KIF24: variants seen among roughly 807,000 people sequenced by gnomAD.
KIF24 encodes the protein kinesin-like protein KIF24.
A neutral mutation model predicts 118.9 loss-of-function variants in KIF24; 81 were observed. The observed-to-expected ratio is 0.68, with a 90% confidence interval of 0.57 to 0.82. The LOEUF is 0.82. Among genes scored for constraint, KIF24 ranks in the 40% least tolerant of loss-of-function variants. The pLI is 0.00. For synonymous variants in KIF24, 599 were observed against 610.0 expected, an observed-to-expected ratio of 0.98 and a Z score of 0.27; for missense variants, 1,560 against 1,661.6, an observed-to-expected ratio of 0.94 and a Z score of 1.06.
At chr9:34,299,301 C>G (rs1836603261) in intron 3 of KIF24, among the ~76,000 whole-genome samples, 2 of 151,960 alleles carry the variant, frequency 1.3e-5, no homozygotes, top group Admixed American at 1.3e-4. Context: ...CTGCTTCAGT[C>G]TCCTGAGTAG....
intron 1 of KIF24, among the ~76,000 whole-genome samples, chr9:34,315,064 CTACTGTA>C (rs1837290099): frequency 6.6e-6 from 1 of 152,084 alleles, no homozygotes; most frequent in African/African-American, 2.4e-5. Flanking sequence ...GGGAAGGAAA[CTACTGTA>C]TACTTTTAAA....
intron 9 of KIF24, among the ~76,000 whole-genome samples, chr9:34,262,399 G>C (rs1835089084): frequency 6.6e-6 from 1 of 151,746 alleles, no homozygotes; most frequent in South Asian, 2.1e-4. Context: ...GGGAAGAAAA[G>C]TTGTTTTGGA....
intron 6 of KIF24, among the ~76,000 whole-genome samples, chr9:34,285,522 C>A (rs1045970234): frequency 6.6e-6 from 1 of 152,002 alleles, no homozygotes; most frequent in Non-Finnish European, 1.5e-5. Flanking sequence ...CGCCTGTAAT[C>A]CCAGCACTTT....
At chr9:34,309,369 A>G (rs1180632321) in intron 2 of KIF24, among the ~76,000 whole-genome samples, 6 of 151,784 alleles carry the variant, frequency 4.0e-5, no homozygotes, top group African/African-American at 1.5e-4. Flanking sequence ...GTGAAACCCC[A>G]CCTCTACTAA....
chr9:34,271,733 G>T, intron 7 of KIF24, 76 bp downstream of exon 7: 1 of 1,509,424 alleles, frequency 6.6e-7, no homozygotes, highest in East Asian at 2.3e-5. Context: ...AGGGTATCCT[G>T]TTGTTGAGAA....
intron 1 of KIF24, among the ~76,000 whole-genome samples, chr9:34,314,945 T>A (rs1378411610): frequency 1.3e-5 from 2 of 152,236 alleles, no homozygotes; most frequent in African/African-American, 2.4e-5. Context: ...ATAAATGATC[T>A]ATAATAAATC....
intron 8 of KIF24, among the ~76,000 whole-genome samples, chr9:34,268,505 C>CTT (rs1563939819): frequency 2.6e-5 from 2 of 76,710 alleles, no homozygotes; most frequent in Non-Finnish European, 2.9e-5. Context: ...CTAGGATTTT[C>CTT]TTTCTTTTTT....
At chr9:34,271,671 C>T in intron 7 of KIF24, 138 bp downstream of exon 7, 1 of 839,494 alleles carries the variant, frequency 1.2e-6, no homozygotes, top group Non-Finnish European at 1.8e-6. Flanking sequence ...TGATTTATTT[C>T]AGGGCTAACA....
chr9:34,316,955 T>C (rs1255731045), intron 1 of KIF24, among the ~76,000 whole-genome samples: 1 of 150,346 alleles, frequency 6.7e-6, no homozygotes, highest in African/African-American at 2.5e-5. Context: ...TGGCTCACGC[T>C]TGTAATCCCA....
chr9:34,275,366 C>A (rs572429504), intron 6 of KIF24, among the ~76,000 whole-genome samples: 6 of 152,028 alleles, frequency 3.9e-5, no homozygotes, highest in Non-Finnish European at 5.9e-5. Flanking sequence ...TGCACTCCAG[C>A]CTAGGAAACA....
chr9:34,255,018 T>G, intron 12 of KIF24, 54 bp downstream of exon 12: 1 of 1,216,490 alleles, frequency 8.2e-7, no homozygotes, highest in Non-Finnish European at 1.2e-6. Context: ...GACCATCAAA[T>G]TAGCTGCAGG....
At chr9:34,307,852 C>T (rs1379133270) in intron 2 of KIF24, among the ~76,000 whole-genome samples, 4 of 115,418 alleles carry the variant, frequency 3.5e-5, no homozygotes, top group Non-Finnish European at 6.9e-5. Context: ...CAGAGCAAGA[C>T]TCTGTCTGAA....
At chr9:34,328,020 T>C (rs1837733600) in intron 1 of KIF24, among the ~76,000 whole-genome samples, 1 of 152,148 alleles carries the variant, frequency 6.6e-6, no homozygotes, top group South Asian at 2.1e-4. Context: ...GCTGCTGTAC[T>C]GAACTTTTTC....
chr9:34,263,614 A>G (rs1835175856), intron 8 of KIF24, among the ~76,000 whole-genome samples: 1 of 152,216 alleles, frequency 6.6e-6, no homozygotes, highest in Admixed American at 6.5e-5. Context: ...CCGTTGGCGT[A>G]GAGTCAAGCA....
chr9:34,263,121 TGAAG>T lies in KIF24; in HGVS notation c.1491_1494del (p.Phe498GlyfsTer5), dbSNP rs780677877. On this transcript the variant is annotated frameshift_variant, in exon 9 of 13. Transcript: ENST00000402558. LOFTEE classifies it high-confidence loss of function. ...TTTACCTGAGTTAGTTTGCTTTGCC[TGAAG>T]GGAGTATGGGTGTGTTCCTGATCCA... 2 of 1,613,406 alleles carry T rather than the reference TGAAG, an allele frequency of 1.2e-6. No individual in the cohort carries two copies. Among genetic ancestry groups the T allele is most frequent in the South Asian group, 2.2e-5 (2 of 90,904 alleles).
upstream of KIF24, among the ~76,000 whole-genome samples, chr9:34,332,947 T>C (rs1303880841): frequency 6.6e-6 from 1 of 152,004 alleles, no homozygotes; most frequent in African/African-American, 2.4e-5. Context: ...AACTGGCAAA[T>C]TGGAAAAAAG....
intron 1 of KIF24, among the ~76,000 whole-genome samples, chr9:34,328,451 G>A (rs1192723240): frequency 6.6e-6 from 1 of 152,198 alleles, no homozygotes; most frequent in Non-Finnish European, 1.5e-5. Flanking sequence ...AAGAGTTGCA[G>A]CAACCAATCC....
Position 34,256,991 on chromosome 9 carries a change from T to C in KIF24, c.2616A>G (p.Arg872=). ...GQGPEKQVAE[R]QQSLFSSPRT... ...TGGGGCTAGAAAACAGACTCTGCTG[T>C]CTTTCTGCCACCTGCTTCTCAGGAC... The change falls in exon 11 of 13, where the codon AGA becomes AGG. Residue 872 remains arginine (R), a synonymous_variant. Coordinates refer to ENST00000402558, the MANE Select transcript of KIF24 (RefSeq NM_194313.4). 1 of 1,614,028 alleles carries C rather than the reference T, an allele frequency of 6.2e-7. No individual in the cohort carries two copies. Among genetic ancestry groups the C allele is most frequent in the Non-Finnish European group, 8.5e-7 (1 of 1,179,896 alleles).
chr9:34,322,674 T>C (rs552292031), intron 1 of KIF24, among the ~76,000 whole-genome samples: 2 of 152,164 alleles, frequency 1.3e-5, no homozygotes, highest in Non-Finnish European at 2.9e-5. Flanking sequence ...GACGACATGG[T>C]GAAACTCCAT....
Sources: allele counts gnomAD v4.1 joint callset (sites outside exome capture counted in the v4.1 genomes callset), GRCh38; gene constraint gnomAD v4.1.1; transcripts MANE v1.5; gene names NCBI Gene and HGNC (gene_info 2026-07-23, HGNC 2026-07-21).